Variants in NPHP4 observed in about 807,000 individuals in gnomAD.
NPHP4 encodes the protein nephrocystin 4.
NPHP4 carries 151 observed loss-of-function variants against 155.8 expected under a neutral mutation model. The observed-to-expected ratio is 0.97, with a 90% confidence interval of 0.85 to 1.11. The LOEUF (loss-of-function observed/expected upper bound fraction) is 1.11. Ranked by LOEUF, NPHP4 falls within the 50% of genes least tolerant of loss-of-function variation. NPHP4 has a pLI of 0.00. For missense variants in NPHP4, 1,956 were observed against 1,925.7 expected, an observed-to-expected ratio of 1.02 and a Z score of -0.29; for synonymous variants, 845 against 816.8, an observed-to-expected ratio of 1.03 and a Z score of -0.59.
Position 5,905,269 on chromosome 1 carries a change from T to G in NPHP4, c.1955+23A>C. The G allele has an allele frequency of 6.3e-7, 1 of 1,584,680 alleles. No individual in the cohort carries two copies. Among genetic ancestry groups the G allele is most frequent in the Non-Finnish European group, 8.7e-7 (1 of 1,153,234 alleles). Reference sequence around the variant, plus strand: ...ACAGGAAATGTGAAAGCCAGATGAGTAACAGAATATTCAAGGATTTACCTG... The same window carrying G: ...ACAGGAAATGTGAAAGCCAGATGAGGAACAGAATATTCAAGGATTTACCTG... On this transcript the variant is annotated intron_variant, in intron 15 of 29. Transcript: ENST00000378156. The surrounding 1 kb of genome is among the most constrained non-coding windows in gnomAD (Gnocchi z 4.0).
intron 5 of NPHP4, among the ~76,000 whole-genome samples, chr1:5,964,888 C>T (rs1265103283): frequency 4.0e-5 from 5 of 125,134 alleles, no homozygotes; most frequent in Non-Finnish European, 6.5e-5. Context: ...TATAAATATA[C>T]TATATATAAA....
chr1:5,960,809 T>C (rs1650179325), intron 6 of NPHP4, among the ~76,000 whole-genome samples: 1 of 151,762 alleles, frequency 6.6e-6, no homozygotes, highest in South Asian at 2.1e-4. Context: ...TCGACCCAAT[T>C]CCACCACCAG....
chr1:5,922,747 C>T (rs1011062960), intron 11 of NPHP4, among the ~76,000 whole-genome samples: 3 of 146,496 alleles, frequency 2.0e-5, no homozygotes, highest in Non-Finnish European at 4.5e-5. Context: ...CTGGCTTAGC[C>T]GGGCACGGTG....
At chr1:5,924,650 T>G (rs1457760201) in intron 11 of NPHP4, among the ~76,000 whole-genome samples, 2 of 152,116 alleles carry the variant, frequency 1.3e-5, no homozygotes, top group African/African-American at 4.8e-5. Context: ...CATAACTATA[T>G]CTTTATTTAC....
At chr1:5,959,231 T>A (rs1649848150) in intron 6 of NPHP4, among the ~76,000 whole-genome samples, 1 of 152,214 alleles carries the variant, frequency 6.6e-6, no homozygotes, top group Non-Finnish European at 1.5e-5. Flanking sequence ...TCATTAATTT[T>A]GCAATGTTCT....
chr1:5,912,305 G>T (rs12741889), intron 11 of NPHP4, among the ~76,000 whole-genome samples: 25,923 of 152,042 alleles, frequency 0.17, 2,267 homozygotes, highest in African/African-American at 0.21. Flanking sequence ...TTGGGAGGCC[G>T]AGGCGGGTGG....
At chr1:5,906,215 T>TA (rs375900736) in intron 13 of NPHP4, among the ~76,000 whole-genome samples, 1 of 152,228 alleles carries the variant, frequency 6.6e-6, no homozygotes, top group Non-Finnish European at 1.5e-5. Flanking sequence ...TACTCCAAGA[T>TA]AAACTGTGGC....
intron 16 of NPHP4, among the ~76,000 whole-genome samples, chr1:5,897,025 C>T (rs533821947): frequency 1.3e-4 from 20 of 152,336 alleles, no homozygotes; most frequent in African/African-American, 4.6e-4. Context: ...ATTCCACCGA[C>T]TTCTCACTCT....
At chr1:5,909,394 G>A (rs1172018734) in intron 11 of NPHP4, among the ~76,000 whole-genome samples, 181 bp from the exon 12 acceptor site, 1 of 152,196 alleles carries the variant, frequency 6.6e-6, no homozygotes, top group Non-Finnish European at 1.5e-5. Context: ...AAGTGTCGCT[G>A]TCTATCTAGA....
At chr1:5,920,387 G>T (rs1645682396) in intron 11 of NPHP4, among the ~76,000 whole-genome samples, 1 of 152,186 alleles carries the variant, frequency 6.6e-6, no homozygotes. Flanking sequence ...ACCCATCAAA[G>T]ACTCTGGGGT....
At chr1:5,863,525 C>CCTT in intron 29 of NPHP4, 120 bp from the exon 30 acceptor site, 2 of 1,254,206 alleles carry the variant, frequency 1.6e-6, no homozygotes, top group Non-Finnish European at 2.3e-6. Context: ...GGGAGCCCTG[C>CCTT]GGGTGCATCC....
At position 5,933,076 on chromosome 1, in the gene NPHP4, T is replaced by C. The variant is rs145863282; in HGVS notation, c.1302+71A>G. 1.4e-3 allele frequency: 1,801 copies of C among 1,252,734 alleles called. 18 individuals carry two copies. The African/African-American group carries it at 0.02, about 14-fold the overall frequency. The allele number at this position is 1,252,734 out of a possible 1,614,324, so 77.6% of individuals were successfully genotyped here. On this transcript the variant is annotated intron_variant, in intron 10 of 29. Transcript: ENST00000378156. ...AACATCTGCAAACATATTTGTGAAC[T>C]TTTGCTTTTGAAAATGAATGAACTT...
chr1:5,869,399 ACACT>A (rs1641768801), intron 23 of NPHP4, among the ~76,000 whole-genome samples: 1 of 152,208 alleles, frequency 6.6e-6, no homozygotes, highest in African/African-American at 2.4e-5. Flanking sequence ...ACACCTGCAC[ACACT>A]GAGAAGGAGA....
At chr1:5,966,055 G>T (rs1004930620) in intron 5 of NPHP4, among the ~76,000 whole-genome samples, 2 of 152,070 alleles carry the variant, frequency 1.3e-5, no homozygotes, top group African/African-American at 4.8e-5. Context: ...TCTCTCGAAG[G>T]GTCTGTTTCT....
intron 9 of NPHP4, among the ~76,000 whole-genome samples, chr1:5,938,335 G>A (rs1224009651): frequency 3.3e-5 from 5 of 152,238 alleles, no homozygotes; most frequent in Non-Finnish European, 4.4e-5. Flanking sequence ...AGGCAGCCAG[G>A]CTGGCGTTGG....
chr1:5,869,144 CCA>C (rs1481085791), intron 23 of NPHP4, among the ~76,000 whole-genome samples: 16 of 135,036 alleles, frequency 1.2e-4, no homozygotes, highest in South Asian at 5.1e-4. Flanking sequence ...ACATATCCGC[CCA>C]CACATGCACA....
chr1:5,972,469 A>G (rs1446232537), intron 3 of NPHP4, among the ~76,000 whole-genome samples: 1 of 152,214 alleles, frequency 6.6e-6, no homozygotes, highest in Non-Finnish European at 1.5e-5. Context: ...TCTCATTTGG[A>G]GTAAAAATGT....
At chr1:5,865,052 C>G (rs1322683557) in intron 27 of NPHP4, 50 bp downstream of exon 27, 1 of 1,585,282 alleles carries the variant, frequency 6.3e-7, no homozygotes, top group Non-Finnish European at 8.6e-7. Context: ...CTGCCCGTCT[C>G]CAGGCTGGGG....
chr1:5,938,156 G>A (rs150313477), intron 9 of NPHP4, among the ~76,000 whole-genome samples: 59 of 152,354 alleles, frequency 3.9e-4, no homozygotes, highest in African/African-American at 1.3e-3. Flanking sequence ...CACAAGCGGC[G>A]GGTGGCTCCG....
Sources: gnomAD v4.1 joint callset for allele counts (sites outside exome capture counted in the v4.1 genomes callset) on GRCh38, gnomAD v4.1.1 for gene constraint, Gnocchi (gnomAD v3.1) non-coding constraint, MANE v1.5 for transcripts, NCBI Gene and HGNC (gene_info 2026-07-23, HGNC 2026-07-21) for gene names.